CALU: variants seen among roughly 807,000 people sequenced by gnomAD.
CALU encodes calumenin.
CALU carries 13 observed loss-of-function variants against 37.5 expected under a neutral mutation model. The observed-to-expected ratio is 0.35, with a 90% CI of 0.23 to 0.55. The LOEUF is 0.55. Ranked by LOEUF, CALU falls within the 20% of genes least tolerant of loss-of-function variation. The pLI is 0.89. For missense variants in CALU, 282 were observed against 391.7 expected (o/e 0.72, Z 2.36); for synonymous variants, 114 against 133.8 (o/e 0.85, Z 1.02).
Position 128,764,935 on chromosome 7 carries a change from T to C in CALU, c.644-2521T>C, listed in dbSNP as rs544322465. On this transcript the variant is annotated intron_variant, in intron 5 of 6. Transcript: ENST00000249364. ...CCTGTTTCTTCTTCTTCTTCTTTTT[T>C]AAAAAGACAAGAGTCTCATTCTGTT... Among the ~76,000 whole-genome samples, 19 of 152,306 alleles carry C rather than the reference T, an allele frequency of 1.2e-4. 1 individual carries two copies. The East Asian group carries it at 2.5e-3, about 20-fold the overall frequency.
At chr7:128,764,272 A>G in intron 5 of CALU, among the ~76,000 whole-genome samples, 1 of 132,012 alleles carries the variant, frequency 7.6e-6, no homozygotes, top group South Asian at 2.3e-4. Context: ...TACAAAAAAT[A>G]CAAAAAAAAA....
At chr7:128,758,754 C>T (rs2128881142) in intron 3 of CALU, 117 bp from the exon 4 acceptor site, 4 of 723,832 alleles carry the variant, frequency 5.5e-6, no homozygotes, top group East Asian at 2.5e-5. Context: ...TTACCTGTGT[C>T]ATCAATTATT....
In CALU at chr7:128,772,462, T is replaced by C; in HGVS notation, c.*3295T>C. On this transcript the variant is annotated 3_prime_UTR_variant, in exon 7 of 7. Transcript: ENST00000249364. ...CTTTTTTGTGTTTTTAGTAGTTTGG[T>C]TTCTGACGGAGACAATAGAAACTTA... 1.9e-6 allele frequency: 3 copies of C among 1,566,730 alleles called. No individual in the cohort carries two copies. In the South Asian group the frequency reaches 3.4e-5, roughly 18 times the overall value.
intron 2 of CALU, among the ~76,000 whole-genome samples, chr7:128,750,715 G>A (rs1456974853): frequency 6.6e-6 from 1 of 152,110 alleles, no homozygotes; most frequent in East Asian, 1.9e-4. Context: ...TTTTGGTGGG[G>A]TAATGTATAC....
intron 5 of CALU, 94 bp downstream of exon 5, chr7:128,759,946 C>G: frequency 1.3e-6 from 1 of 758,320 alleles, no homozygotes. Flanking sequence ...GCCTGTAATC[C>G]CAACACTGGG....
intron 6 of CALU, among the ~76,000 whole-genome samples, chr7:128,768,234 G>A (rs1034389621): frequency 1.3e-5 from 2 of 152,052 alleles, no homozygotes; most frequent in Non-Finnish European, 2.9e-5. Context: ...GTCTAAAGAT[G>A]GAGATTTTCA....
chr7:128,767,414 A>G (rs1801377737), intron 5 of CALU, 42 bp from the exon 6 acceptor site: 4 of 1,504,992 alleles, frequency 2.7e-6, no homozygotes, highest in Non-Finnish European at 3.7e-6. Flanking sequence ...AGTTTTGGGG[A>G]AAAGACAAAC....
rs188829644 is a variant in CALU at position 128,760,129 on chromosome 7, C to T, written c.643+277C>T. Among the ~76,000 whole-genome samples the T allele has an allele frequency of 2.0e-3, 307 of 152,174 alleles. 1 individual carries two copies. The highest frequency in any genetic ancestry group is 6.8e-3 in the South Asian group (33 of 4,826). On this transcript the variant is annotated intron_variant, in intron 5 of 6. Coordinates refer to ENST00000249364, the MANE Select transcript of CALU (RefSeq NM_001219.5). ...AGAAGAATCGCTTGAACCCAGGAGG[C>T]GGAGGTTGCAGTGAGCCGAGAACAC...
At chr7:128,755,921 C>T (rs1800866021) in intron 3 of CALU, among the ~76,000 whole-genome samples, 1 of 152,188 alleles carries the variant, frequency 6.6e-6, no homozygotes, top group African/African-American at 2.4e-5. Flanking sequence ...GATCTGTTTC[C>T]CCACAGATAG....
intron 2 of CALU, among the ~76,000 whole-genome samples, chr7:128,749,373 G>A (rs1238158304): frequency 1.3e-5 from 2 of 152,106 alleles, no homozygotes; most frequent in African/African-American, 4.8e-5. Flanking sequence ...TAACAGCAGG[G>A]CCATAGTCAG....
At chr7:128,743,422 A>G (rs551475353) in intron 1 of CALU, among the ~76,000 whole-genome samples, 3 of 152,342 alleles carry the variant, frequency 2.0e-5, no homozygotes, top group South Asian at 2.1e-4. Flanking sequence ...GTATGGCCCA[A>G]TGGATACACA....
chr7:128,750,371 G>A (rs1191870299), intron 2 of CALU, among the ~76,000 whole-genome samples: 1 of 152,058 alleles, frequency 6.6e-6, no homozygotes, highest in East Asian at 1.9e-4. Flanking sequence ...AGGCCCTTAG[G>A]TTTGGTATCA....
At chr7:128,742,483 A>T (rs959561687) in intron 1 of CALU, among the ~76,000 whole-genome samples, 1 of 152,236 alleles carries the variant, frequency 6.6e-6, no homozygotes, top group East Asian at 1.9e-4. Context: ...ACTCAGTGTT[A>T]ACGTTCTTGT....
intron 2 of CALU, 97 bp downstream of exon 2, chr7:128,748,901 T>C (rs1800552264): frequency 1.3e-6 from 1 of 763,672 alleles, no homozygotes; most frequent in Non-Finnish European, 2.2e-6. Context: ...TAAAGTTATA[T>C]TGAACTATTA....
At chr7:128,741,580 A>C (rs1252777413) in intron 1 of CALU, among the ~76,000 whole-genome samples, 2 of 152,198 alleles carry the variant, frequency 1.3e-5, no homozygotes, top group African/African-American at 4.8e-5. Flanking sequence ...AAAGAGAAAA[A>C]GATAACAGAT....
At chr7:128,750,220 C>CAAAAAA (rs398006225) in intron 2 of CALU, among the ~76,000 whole-genome samples, 25 of 75,030 alleles carry the variant, frequency 3.3e-4, no homozygotes, top group East Asian at 8.2e-4. Flanking sequence ...AGAGCCATCT[C>CAAAAAA]AAAAAAAAAA....
At position 128,748,323 on chromosome 7, in the gene CALU, T is replaced by A. The variant is rs768571100; in HGVS notation, c.-11-250T>A. 4.2e-6 allele frequency: 6 copies of A among 1,443,626 alleles called. No homozygotes were observed. In the South Asian group the frequency reaches 7.9e-5, roughly 19 times the overall value. 89.4% of individuals were successfully genotyped at this position (1,443,626 alleles called of 1,614,324 possible). On this transcript the variant is annotated intron_variant, in intron 1 of 6. Transcript: ENST00000249364. ...GAAAGAAAACAGAAAGTGGACATTT[T>A]AACTATAAGTTTCTTATCAGCCTAC...
chr7:128,764,580 T>C (rs1801253419), intron 5 of CALU, among the ~76,000 whole-genome samples: 2 of 152,226 alleles, frequency 1.3e-5, no homozygotes, highest in Non-Finnish European at 2.9e-5. Context: ...TTTAAAAAGA[T>C]AATCAAGAAA....
intron 1 of CALU, chr7:128,747,935 T>G (rs1800510558): frequency 5.9e-6 from 1 of 169,502 alleles, no homozygotes; most frequent in African/African-American, 2.4e-5. Flanking sequence ...TATCTATGAC[T>G]AGACCATCTG....
Sources: allele counts gnomAD v4.1 joint callset (sites outside exome capture counted in the v4.1 genomes callset), GRCh38; gene constraint gnomAD v4.1.1; transcripts MANE v1.5; gene names NCBI Gene and HGNC (gene_info 2026-07-23, HGNC 2026-07-21).